The following LRRD1 variants were observed in gnomAD, a reference collection of about 807,000 sequenced individuals.
LRRD1 encodes leucine-rich repeat and death domain-containing protein 1.
LRRD1 carries 49 observed loss-of-function variants against 69.5 expected under a neutral mutation model. That is an observed-to-expected ratio of 0.70 (90% CI 0.56 to 0.89). The LOEUF (loss-of-function observed/expected upper bound fraction) is 0.89. LRRD1 is among the 40% of genes least tolerant of loss of function. LRRD1 has a pLI of 0.00. For missense variants in LRRD1, 853 were observed against 956.0 expected (o/e 0.89, Z 1.42); for synonymous variants, 303 against 338.9 (o/e 0.89, Z 1.16).
intron 1 of LRRD1, among the ~76,000 whole-genome samples, chr7:92,171,512 A>G (rs530146939): frequency 6.6e-6 from 1 of 152,318 alleles, no homozygotes; most frequent in Admixed American, 6.5e-5. Flanking sequence ...GTAATGAGAA[A>G]TGACATCAAA....
chr7:92,162,829 G>T (rs1287779657), intron 2 of LRRD1, among the ~76,000 whole-genome samples: 3 of 152,082 alleles, frequency 2.0e-5, no homozygotes, highest in Admixed American at 2.0e-4. Context: ...TGAGTGTGTA[G>T]TCTTTTATAA....
At chr7:92,170,273 G>C (rs556925949) in intron 1 of LRRD1, among the ~76,000 whole-genome samples, 1 of 152,198 alleles carries the variant, frequency 6.6e-6, no homozygotes, top group East Asian at 1.9e-4. Flanking sequence ...CCAGATCCAA[G>C]AATTATTGAT....
rs185028865 is a variant in LRRD1 at position 92,159,393 on chromosome 7, G to A, written c.1918-190C>T. Among the ~76,000 whole-genome samples the A allele has an allele frequency of 1.1e-4, 16 of 152,040 alleles. No homozygotes were observed. In the East Asian group the frequency reaches 1.5e-3, roughly 15 times the overall value. On this transcript the variant is annotated intron_variant, in intron 2 of 5. Coordinates refer to ENST00000458448, the MANE Select transcript of LRRD1 (RefSeq NM_001161528.2). ...GACTAAAACCCACAAGATATTGTGC[G>A]ACATCCAAGTACCTCCCCAATCTGA...
At chr7:92,177,155 T>C (rs1007142598) in intron 1 of LRRD1, among the ~76,000 whole-genome samples, 4 of 151,268 alleles carry the variant, frequency 2.6e-5, no homozygotes, top group African/African-American at 7.3e-5. Flanking sequence ...ATAAATCTGG[T>C]CACATTATAT....
Position 92,165,239 on chromosome 7 carries a change from G to C in LRRD1, c.-37C>G. 8.3e-7 allele frequency: 1 copy of C among 1,197,758 alleles called. No homozygotes were observed. Among genetic ancestry groups the C allele is most frequent in the Non-Finnish European group, 1.1e-6 (1 of 913,614 alleles). 74.2% of individuals were successfully genotyped at this position (1,197,758 alleles called of 1,614,324 possible). A position where few individuals can be genotyped will look rare whatever the true frequency, so the allele number is the denominator to read the frequency against. The stretch of plus-strand genomic sequence containing the variant: ...ATATGTTTTATGCCAATACAAAATT[G>C]TAACTTGATTTTAATTTTCATGTTT... On this transcript the variant is annotated 5_prime_UTR_variant, in exon 2 of 6. Coordinates refer to ENST00000458448, the MANE Select transcript of LRRD1 (RefSeq NM_001161528.2).
intron 1 of LRRD1, among the ~76,000 whole-genome samples, chr7:92,168,294 C>T (rs938388165): frequency 6.6e-6 from 1 of 152,150 alleles, no homozygotes; most frequent in East Asian, 1.9e-4. Context: ...AACTTGGATT[C>T]CCTGGCAGGA....
In LRRD1 at chr7:92,163,427, C is replaced by A; in HGVS notation, c.1776G>T (p.Gln592His). 6.5e-7 allele frequency: 1 copy of A among 1,546,226 alleles called. No homozygotes were observed. The highest frequency in any genetic ancestry group is 8.7e-7 in the Non-Finnish European group (1 of 1,145,460). ...AATTACAGATGTCTGAAGAGATTTT[C>A]TGTAATTGGTTTTCCGAAAGATCAA... ...QVLDLSENQL[Q>H]KISSDICNLK... Residue 592 changes from glutamine to histidine, a missense_variant, in exon 2 of 6, where the codon CAG (glutamine) becomes CAT (histidine). This residue lies in a region of LRRD1 where 739 missense variants were observed against 808.0 expected (regional missense o/e 0.91). Transcript: ENST00000458448.
At position 92,163,450 on chromosome 7, in the gene LRRD1, C is replaced by G. The variant is rs1177132345; in HGVS notation, c.1753G>C (p.Asp585His). 3 of 1,541,294 alleles carry G rather than the reference C, an allele frequency of 1.9e-6. No homozygotes were observed. The highest frequency in any genetic ancestry group is 1.7e-4 in the Middle Eastern group (1 of 5,920). The change falls in exon 2 of 6, where the codon GAT becomes CAT. Residue 585 changes from aspartate to histidine, a missense_variant. Physicochemically the swap from Asp to His is moderately conservative, Grantham distance 81. Coordinates refer to ENST00000458448, the MANE Select transcript of LRRD1 (RefSeq NM_001161528.2). ...LCTLENLQVL[D>H]LSENQLQKIS... is the part of the protein sequence containing the mutation. Reference sequence around the variant, plus strand: ...TTCTGTAATTGGTTTTCCGAAAGATCAAGTACTTGCAAATTTTCTAAAGTA... The same window carrying G: ...TTCTGTAATTGGTTTTCCGAAAGATGAAGTACTTGCAAATTTTCTAAAGTA...
At position 92,164,531 on chromosome 7, in the gene LRRD1, T is replaced by C; in HGVS notation, c.672A>G (p.Ser224=). Residue 224 remains serine (S), a synonymous_variant, in exon 2 of 6, where the codon TCA becomes TCG. Coordinates refer to ENST00000458448, the MANE Select transcript of LRRD1 (RefSeq NM_001161528.2). Reference sequence around the variant, plus strand: ...GCTGAGATATTTCTTTAGGTATATGTGATATGTGGTTATGACTGACATTTA... The same window carrying C: ...GCTGAGATATTTCTTTAGGTATATGCGATATGTGGTTATGACTGACATTTA... ...RILNVSHNHI[S]HIPKEISQLG... 1 of 1,550,156 alleles carries C rather than the reference T, an allele frequency of 6.5e-7. No individual in the cohort carries two copies. The highest frequency in any genetic ancestry group is 8.7e-7 in the Non-Finnish European group (1 of 1,145,970).
chr7:92,170,880 A>T (rs1789043180), intron 1 of LRRD1, among the ~76,000 whole-genome samples: 1 of 152,232 alleles, frequency 6.6e-6, no homozygotes, highest in African/African-American at 2.4e-5. Flanking sequence ...AAAACAGGAA[A>T]TCAATATCAA....
At chr7:92,162,642 A>G (rs1482073548) in intron 2 of LRRD1, among the ~76,000 whole-genome samples, 1 of 152,194 alleles carries the variant, frequency 6.6e-6, no homozygotes, top group Non-Finnish European at 1.5e-5. Flanking sequence ...AATATGAAAA[A>G]GGCTATATTT....
At chr7:92,148,136 T>C (rs1426368577) in intron 4 of LRRD1, among the ~76,000 whole-genome samples, 1 of 152,190 alleles carries the variant, frequency 6.6e-6, no homozygotes, top group Non-Finnish European at 1.5e-5. Context: ...AGATGGGTTT[T>C]TGGCATGTTG....
At chr7:92,160,893 A>G (rs769865445) in intron 2 of LRRD1, among the ~76,000 whole-genome samples, 7 of 152,320 alleles carry the variant, frequency 4.6e-5, no homozygotes, top group Non-Finnish European at 1.0e-4. Context: ...TATCATGAAT[A>G]ACAATGGCCA....
At position 92,150,512 on chromosome 7, in the gene LRRD1, T is replaced by C. The variant is rs760677475; in HGVS notation, c.2278+22A>G. On this transcript the variant is annotated intron_variant, in intron 4 of 5. Transcript: ENST00000458448. The stretch of plus-strand genomic sequence containing the variant: ...AATAAAAAAGAAATGACTTGTTAGA[T>C]AGTCAATCACTCATCACCTACCATC... 4.8e-6 allele frequency: 7 copies of C among 1,464,626 alleles called. No individual in the cohort carries two copies. In the African/African-American group the frequency reaches 7.2e-5, roughly 15 times the overall value. 90.7% of individuals were successfully genotyped at this position (1,464,626 alleles called of 1,614,324 possible).
chr7:92,159,387 T>A (rs773160856), intron 2 of LRRD1, among the ~76,000 whole-genome samples, 184 bp from the exon 3 acceptor site: 14 of 152,140 alleles, frequency 9.2e-5, no homozygotes, highest in Non-Finnish European at 1.3e-4. Flanking sequence ...CCACAAGATA[T>A]TGTGCGACAT....
chr7:92,144,292 CG>C (rs1490095684), downstream of LRRD1, among the ~76,000 whole-genome samples: 1 of 152,088 alleles, frequency 6.6e-6, no homozygotes, highest in Admixed American at 6.6e-5. Flanking sequence ...ACTTATAAAT[CG>C]GGGGTTGTAT....
At chr7:92,175,373 C>T (rs1388350511) in intron 1 of LRRD1, among the ~76,000 whole-genome samples, 1 of 152,004 alleles carries the variant, frequency 6.6e-6, no homozygotes, top group South Asian at 2.1e-4. Context: ...GCTGGCCAGG[C>T]GTGGTGGCTC....
rs998546466 is a variant in LRRD1 at position 92,164,483 on chromosome 7, A to C, written c.720T>G (p.Phe240Leu). The change falls in exon 2 of 6, where the codon TTT (phenylalanine) becomes TTG (leucine). Residue 240 changes from phenylalanine to leucine, a missense_variant. Transcript: ENST00000458448. ...ISQLGNIRQL[F>L]FYNNYIENFP... ...AATTTTCAATGTAATTGTTATAAAA[A>C]AAGAGTTGTCTGATATTCCCAAGCT... The C allele has an allele frequency of 1.2e-5, 18 of 1,550,224 alleles. No homozygotes were observed. Among genetic ancestry groups the C allele is most frequent in the Non-Finnish European group, 1.4e-5 (16 of 1,146,266 alleles).
intron 1 of LRRD1, 68 bp downstream of exon 1, chr7:92,178,939 G>A (rs1584666295): frequency 6.6e-6 from 1 of 152,260 alleles, no homozygotes; most frequent in Non-Finnish European, 1.5e-5. Context: ...CATGAGAAGT[G>A]GGAAAATGAG....
Sources: allele counts gnomAD v4.1 joint callset (sites outside exome capture counted in the v4.1 genomes callset), GRCh38; gene constraint gnomAD v4.1.1; regional missense constraint gnomAD v4.1.1; transcripts MANE v1.5; gene names NCBI Gene and HGNC (gene_info 2026-07-23, HGNC 2026-07-21).